EPB41L3: variants seen among roughly 807,000 people sequenced by gnomAD.
EPB41L3 encodes the protein band 4.1-like protein 3.
A neutral mutation model predicts 127.1 loss-of-function variants in EPB41L3; 57 were observed. That is an observed-to-expected ratio of 0.45 (90% CI 0.36 to 0.56). The LOEUF (loss-of-function observed/expected upper bound fraction) is 0.56. Ranked by LOEUF, EPB41L3 falls within the 20% of genes least tolerant of loss-of-function variation. The probability of loss-of-function intolerance (pLI) is 0.00; values close to 1 mark genes in which losing one functional copy is unlikely to be tolerated. For missense variants in EPB41L3, 1,273 were observed against 1,372.2 expected, an observed-to-expected ratio of 0.93 and a Z score of 1.14; for synonymous variants, 572 against 549.5, an observed-to-expected ratio of 1.04 and a Z score of -0.57.
Position 5,541,079 on chromosome 18 carries a change from C to T in EPB41L3, c.-12+2834G>A, listed in dbSNP as rs1210968479. On this transcript the variant is annotated intron_variant, in intron 1 of 22. Coordinates refer to ENST00000341928, the MANE Select transcript of EPB41L3 (RefSeq NM_012307.5). The stretch of plus-strand genomic sequence containing the variant: ...CAGCCTGGGCGACAGAGCGAGACTC[C>T]GTCTCAAAAAAAAAAAAAAAAAAGC... Among the ~76,000 whole-genome samples, 18 of 104,044 alleles carry T rather than the reference C, an allele frequency of 1.7e-4. No individual in the cohort carries two copies. In the East Asian group the frequency reaches 4.8e-3, roughly 28 times the overall value. 68.3% of individuals were successfully genotyped at this position (104,044 alleles called of 152,430 possible).
chr18:5,566,734 A>G (rs1599014624), intron 3 of EPB41L3, among the ~76,000 whole-genome samples: 1 of 88,714 alleles, frequency 1.1e-5, no homozygotes, highest in Non-Finnish European at 2.4e-5. Flanking sequence ...ATTCTATTCT[A>G]TTCTATTCTA....
intron 1 of EPB41L3, chr18:5,614,440 T>C (rs771322231): frequency 6.6e-6 from 1 of 152,146 alleles, no homozygotes; most frequent in Non-Finnish European, 1.5e-5. Flanking sequence ...TCAAGTAGAA[T>C]CAGAATTAGT....
At position 5,417,260 on chromosome 18, in the gene EPB41L3, C is replaced by T. The variant is rs139135795; in HGVS notation, c.1507-882G>A. On this transcript the variant is annotated intron_variant, in intron 12 of 22. Coordinates refer to ENST00000341928, the MANE Select transcript of EPB41L3 (RefSeq NM_012307.5). ...GCATATTTAGATCTTTGGTTTGAGT[C>T]CTTAATATAATGATAAAAGCAGGGT... Among the ~76,000 whole-genome samples the T allele has an allele frequency of 2.3e-4, 35 of 152,240 alleles. No individual in the cohort carries two copies. The East Asian group carries it at 6.4e-3, about 28-fold the overall frequency.
rs570758119 is a variant in EPB41L3 at position 5,561,014 on chromosome 18, G to A, written c.-306+51326C>T. 4.9e-5 allele frequency among the ~76,000 whole-genome samples: 7 copies of A among 143,984 alleles called. 2 individuals carry two copies. Among genetic ancestry groups the A allele is most frequent in the Non-Finnish European group, 1.1e-4 (7 of 65,506 alleles). 94.5% of individuals were successfully genotyped at this position (143,984 alleles called of 152,430 possible). On this transcript the variant is annotated intron_variant, in intron 3 of 21. Coordinates refer to the EPB41L3 transcript ENST00000545076. Reference sequence around the variant, plus strand: ...TTATTTTGAGATGGAGTCTCGCTCTGTCGCCCAGGCTGGAGTGCAGTGGCG... The same window carrying A: ...TTATTTTGAGATGGAGTCTCGCTCTATCGCCCAGGCTGGAGTGCAGTGGCG...
intron 1 of EPB41L3, chr18:5,540,294 A>G: frequency 2.1e-6 from 2 of 951,494 alleles, no homozygotes; most frequent in Non-Finnish European, 2.5e-6. Context: ...ACATTTTCCC[A>G]TGCAGTCTTA....
At chr18:5,413,307 T>G (rs2076419580) in intron 13 of EPB41L3, among the ~76,000 whole-genome samples, 1 of 152,174 alleles carries the variant, frequency 6.6e-6, no homozygotes, top group African/African-American at 2.4e-5. Flanking sequence ...ATAGGATATT[T>G]TGATATCCTG....
intron 3 of EPB41L3, chr18:5,610,002 G>T (rs574658387): frequency 1.2e-5 from 8 of 654,854 alleles, no homozygotes; most frequent in Middle Eastern, 1.6e-3. Context: ...GGAGGACTGA[G>T]TCTAACTGGA....
In EPB41L3 at chr18:5,529,928, A is replaced by ATGTATGTGTG. The variant is rs374864271; in HGVS notation, c.-12+13984_-12+13985insCACACATACA. Among the ~76,000 whole-genome samples, 681 of 146,876 alleles carry ATGTATGTGTG rather than the reference A, an allele frequency of 4.6e-3. 6 individuals carry two copies. Among genetic ancestry groups the ATGTATGTGTG allele is most frequent in the African/African-American group, 0.016 (633 of 39,248 alleles). On this transcript the variant is annotated intron_variant, in intron 1 of 22. Coordinates refer to ENST00000341928, the MANE Select transcript of EPB41L3 (RefSeq NM_012307.5). Reference sequence around the variant, plus strand: ...CACCAACCCCACCATCAACTCATATATGTGTGTGTGTGTGTGTGTGTGTGT... The same window carrying ATGTATGTGTG: ...CACCAACCCCACCATCAACTCATATATGTATGTGTGTGTGTGTGTGTGTGTGTGTGTGTGT...
intron 14 of EPB41L3, among the ~76,000 whole-genome samples, chr18:5,408,863 G>C (rs1401808493): frequency 2.6e-5 from 4 of 152,170 alleles, no homozygotes; most frequent in African/African-American, 9.7e-5. Flanking sequence ...TGTGCATGTA[G>C]CAGCAAAGCT....
chr18:5,620,258 A>G (rs2094845358), intron 1 of EPB41L3, among the ~76,000 whole-genome samples: 1 of 152,210 alleles, frequency 6.6e-6, no homozygotes, highest in Admixed American at 6.5e-5. Flanking sequence ...CGATGAACCC[A>G]CAATCTGGAA....
At chr18:5,502,430 A>AT (rs1401880984) in intron 1 of EPB41L3, among the ~76,000 whole-genome samples, 1 of 152,116 alleles carries the variant, frequency 6.6e-6, no homozygotes. Context: ...TATATTGATA[A>AT]TTTTTTTAAC....
At chr18:5,547,677 G>A (rs1252517906), upstream of EPB41L3, among the ~76,000 whole-genome samples, 1 of 152,288 alleles carries the variant, frequency 6.6e-6, no homozygotes, top group African/African-American at 2.4e-5. Context: ...CTTCAGGTAA[G>A]ATATGTGTGT....
At chr18:5,500,884 G>T (rs2091685748) in intron 1 of EPB41L3, among the ~76,000 whole-genome samples, 1 of 152,140 alleles carries the variant, frequency 6.6e-6, no homozygotes, top group African/African-American at 2.4e-5. Context: ...CTGCACACAT[G>T]TCTCAAGGCT....
intron 14 of EPB41L3, among the ~76,000 whole-genome samples, chr18:5,408,273 C>CTTTTTTTTTT (rs1208956534): frequency 1.8e-4 from 9 of 50,466 alleles, no homozygotes; most frequent in African/African-American, 2.9e-4. Context: ...TTTCTTTTTT[C>CTTTTTTTTTT]TTTTTTTTTT....
At chr18:5,396,762 G>T (rs555102676) in intron 18 of EPB41L3, among the ~76,000 whole-genome samples, 6 of 152,192 alleles carry the variant, frequency 3.9e-5, no homozygotes, top group African/African-American at 1.4e-4. Flanking sequence ...TAATATCTTG[G>T]CCAACTTTGC....
chr18:5,538,641 T>C (rs1366976585), intron 1 of EPB41L3, among the ~76,000 whole-genome samples: 2 of 152,176 alleles, frequency 1.3e-5, no homozygotes, highest in Non-Finnish European at 2.9e-5. Flanking sequence ...ATCAATATCA[T>C]CTCCCAGCAC....
chr18:5,488,579 G>GATAATAATAATA lies in EPB41L3; in HGVS notation c.183+421_183+422insTATTATTATTAT, dbSNP rs1358108812. On this transcript the variant is annotated intron_variant, in intron 2 of 22. Transcript: ENST00000341928. The stretch of plus-strand genomic sequence containing the variant: ...AAAGTATAATAATAATGATGATGAT[G>GATAATAATAATA]ATGATAATAATAATAATAATAATAA... Among the ~76,000 whole-genome samples the GATAATAATAATA allele has an allele frequency of 6.3e-3, 943 of 148,756 alleles. 13 individuals are homozygous for GATAATAATAATA. The highest frequency in any genetic ancestry group is 0.019 in the African/African-American group (773 of 39,816).
At chr18:5,456,622 T>C (rs1305245258) in intron 3 of EPB41L3, among the ~76,000 whole-genome samples, 1 of 152,246 alleles carries the variant, frequency 6.6e-6, no homozygotes, top group Admixed American at 6.5e-5. Flanking sequence ...ATTTTGATTC[T>C]GTATACTTTT....
intron 13 of EPB41L3, among the ~76,000 whole-genome samples, chr18:5,410,897 G>A (rs2076117468): frequency 1.3e-5 from 2 of 152,100 alleles, no homozygotes. Flanking sequence ...CTATGTCTCA[G>A]GGAAACCGAT....
Sources: gnomAD v4.1 joint callset for allele counts (sites outside exome capture counted in the v4.1 genomes callset) on GRCh38, gnomAD v4.1.1 for gene constraint, MANE v1.5 for transcripts, NCBI Gene and HGNC (gene_info 2026-07-23, HGNC 2026-07-21) for gene names.